Variants in ANKRD36B observed in about 807,000 individuals in gnomAD.
ANKRD36B encodes the protein ankyrin repeat domain-containing protein 36B.
In ANKRD36B, 37 loss-of-function variants were observed where a neutral mutation model predicts 135.7. The observed-to-expected ratio is 0.27, with a 90% confidence interval of 0.21 to 0.36. ANKRD36B has a LOEUF of 0.36. ANKRD36B is among the 10% of genes least tolerant of loss of function. The pLI is 1.00. For missense variants in ANKRD36B, 549 were observed against 1,037.1 expected (o/e 0.53, Z 6.46); for synonymous variants, 179 against 348.1 (o/e 0.51, Z 5.41).
chr2:97,573,377 T>G (rs947059470), intron 6 of ANKRD36B, among the ~76,000 whole-genome samples: 1 of 152,016 alleles, frequency 6.6e-6, no homozygotes, highest in Non-Finnish European at 1.5e-5. Context: ...CACTGCTCAA[T>G]GAAATAAAAG....
At chr2:97,539,219 C>G (rs2079032433) in intron 30 of ANKRD36B, among the ~76,000 whole-genome samples, 1 of 96,980 alleles carries the variant, frequency 1.0e-5, no homozygotes, top group South Asian at 2.3e-4. Context: ...CTAAAATAGT[C>G]TGGTTTGAAG....
At chr2:97,579,642 A>G (rs1360916550) in intron 4 of ANKRD36B, among the ~76,000 whole-genome samples, 1 of 40,526 alleles carries the variant, frequency 2.5e-5, no homozygotes, top group Non-Finnish European at 9.1e-5. Context: ...AATATATAAT[A>G]TATAGTATAT....
intron 24 of ANKRD36B, among the ~76,000 whole-genome samples, chr2:97,544,365 G>C (rs1434020767): frequency 1.0e-5 from 1 of 95,364 alleles, no homozygotes; most frequent in South Asian, 2.4e-4. Flanking sequence ...TTTCATGCAA[G>C]AAATCACAAG....
Position 97,560,743 on chromosome 2 carries a change from T to A in ANKRD36B, c.793-6A>T, listed in dbSNP as rs2080949066. 3.1e-6 allele frequency: 5 copies of A among 1,600,272 alleles called. No individual in the cohort carries two copies. The South Asian group carries it at 4.4e-5, about 14-fold the overall frequency. ...TCTTTGTCGTCACTTGTAGCCTGAA[T>A]GGGATTTGAAACAAAATAATCAATA... On this transcript the variant is annotated splice_polypyrimidine_tract_variant and splice_region_variant and intron_variant, in intron 7 of 43. Transcript: ENST00000359901.
At position 97,529,333 on chromosome 2, in the gene ANKRD36B, G is replaced by A. The variant is rs1320229012; in HGVS notation, c.2265+2978C>T. The stretch of plus-strand genomic sequence containing the variant: ...GATTATCTCAATAGATGCAGAAAAG[G>A]CCTTTGATAAAATTCAACAACCCTT... On this transcript the variant is annotated intron_variant, in intron 35 of 43. Transcript: ENST00000359901. 1.3e-4 allele frequency among the ~76,000 whole-genome samples: 12 copies of A among 95,444 alleles called. 1 individual carries two copies. The East Asian group carries it at 2.8e-3, about 22-fold the overall frequency. The allele number at this position is 95,444 out of a possible 152,430, so 62.6% of individuals were successfully genotyped here.
chr2:97,543,586 G>A lies in ANKRD36B; in HGVS notation c.1783+204C>T, dbSNP rs1182304305. On this transcript the variant is annotated intron_variant, in intron 26 of 43. Coordinates refer to ENST00000359901, the MANE Select transcript of ANKRD36B (RefSeq NM_001393939.1). Reference sequence around the variant, plus strand: ...TTTCTTCTTCCCAATTTCAATGTGGGGAAGTCTATATAATCTTACTGCAAA... The same window carrying A: ...TTTCTTCTTCCCAATTTCAATGTGGAGAAGTCTATATAATCTTACTGCAAA... 6.4e-4 allele frequency among the ~76,000 whole-genome samples: 60 copies of A among 94,456 alleles called. 21 individuals carry two copies. Among genetic ancestry groups the A allele is most frequent in the Non-Finnish European group, 1.3e-3 (46 of 35,542 alleles). The allele number at this position is 94,456 out of a possible 152,430, so 62.0% of individuals were successfully genotyped here.
intron 43 of ANKRD36B, among the ~76,000 whole-genome samples, chr2:97,496,831 GTGTATATATATATA>G (rs1559089071): frequency 1.5e-5 from 1 of 67,010 alleles, no homozygotes; most frequent in African/African-American, 8.2e-5. Flanking sequence ...ATATATGTGT[GTGTATATATATATA>G]TATATATATA....
intron 22 of ANKRD36B, among the ~76,000 whole-genome samples, chr2:97,546,428 C>T (rs1414097327): frequency 6.6e-6 from 1 of 151,680 alleles, no homozygotes; most frequent in East Asian, 1.9e-4. Context: ...AGATAACATT[C>T]ATTATCTCTC....
chr2:97,559,783 C>T (rs1323784878), intron 8 of ANKRD36B, among the ~76,000 whole-genome samples: 11 of 152,002 alleles, frequency 7.2e-5, no homozygotes, highest in African/African-American at 2.4e-4. Context: ...TTGAAAATCA[C>T]CACTTTAGGA....
At position 97,553,086 on chromosome 2, in the gene ANKRD36B, G is replaced by A. The variant is rs941295461; in HGVS notation, c.1273+82C>T. The A allele has an allele frequency of 2.1e-5, 32 of 1,512,438 alleles. No individual in the cohort carries two copies. The East Asian group carries it at 2.6e-4, about 12-fold the overall frequency. 93.7% of individuals were successfully genotyped at this position (1,512,438 alleles called of 1,614,324 possible). ...TGCAGCTTCAGCGAGCCCCCCACCC[G>A]CCCTGCGCTGATTTATTAGGGGTAG... On this transcript the variant is annotated intron_variant, in intron 16 of 43. Transcript: ENST00000359901.
At chr2:97,529,659 T>G (rs1559123572) in intron 35 of ANKRD36B, among the ~76,000 whole-genome samples, 1 of 95,664 alleles carries the variant, frequency 1.0e-5, no homozygotes, top group Non-Finnish European at 2.8e-5. Context: ...AAAACCCCAT[T>G]GTCTCAGCCC....
At chr2:97,563,924 C>T (rs1399811636) in intron 6 of ANKRD36B, among the ~76,000 whole-genome samples, 1 of 152,096 alleles carries the variant, frequency 6.6e-6, no homozygotes, top group Non-Finnish European at 1.5e-5. Context: ...ATGCTGCCAT[C>T]ATCACATGGC....
At chr2:97,547,857 A>G (rs1475447972) in intron 20 of ANKRD36B, 126 bp from the exon 21 acceptor site, 1 of 1,388,220 alleles carries the variant, frequency 7.2e-7, no homozygotes, top group East Asian at 2.5e-5. Flanking sequence ...GATGGCTTCT[A>G]CTTTGTGTCT....
At chr2:97,553,419 A>G (rs2080240710) in intron 14 of ANKRD36B, 48 bp from the exon 15 acceptor site, 2 of 1,573,756 alleles carry the variant, frequency 1.3e-6, no homozygotes, top group African/African-American at 1.4e-5. Context: ...AATATGATAC[A>G]TTTTCCATAC....
In ANKRD36B at chr2:97,532,857, T is replaced by A. The variant is rs1292040697; in HGVS notation, c.2192-473A>T. 2.1e-5 allele frequency among the ~76,000 whole-genome samples: 2 copies of A among 96,264 alleles called. 1 individual carries two copies. Among genetic ancestry groups the A allele is most frequent in the Non-Finnish European group, 5.5e-5 (2 of 36,310 alleles). 63.2% of individuals were successfully genotyped at this position (96,264 alleles called of 152,430 possible). A position where few individuals can be genotyped will look rare whatever the true frequency, so the allele number is the denominator to read the frequency against. On this transcript the variant is annotated intron_variant, in intron 34 of 43. Coordinates refer to ENST00000359901, the MANE Select transcript of ANKRD36B (RefSeq NM_001393939.1). ...TCCTCCAAAACTTCAGCAAACCACTTGGGGAGGCACTAGATGTCACCAGGT... is the reference window on the plus strand; with the variant it reads ...TCCTCCAAAACTTCAGCAAACCACTAGGGGAGGCACTAGATGTCACCAGGT...
intron 12 of ANKRD36B, among the ~76,000 whole-genome samples, chr2:97,556,282 T>C (rs1016123365): frequency 5.3e-5 from 8 of 151,862 alleles, no homozygotes; most frequent in Admixed American, 6.6e-5. Flanking sequence ...TAAACAGGAA[T>C]GAGGCACTGT....
At chr2:97,566,717 C>A (rs2104836927) in intron 6 of ANKRD36B, among the ~76,000 whole-genome samples, 1 of 152,144 alleles carries the variant, frequency 6.6e-6, no homozygotes, top group African/African-American at 2.4e-5. Context: ...GACAAATGAA[C>A]CAGGTGCAGC....
In ANKRD36B at chr2:97,524,396, T is replaced by G. The variant is rs545044813; in HGVS notation, c.2266-929A>C. On this transcript the variant is annotated intron_variant, in intron 35 of 43. Transcript: ENST00000359901. The stretch of plus-strand genomic sequence containing the variant: ...TCTTGCTTTTGTACTTTCAGTATCA[T>G]TATAAAAATTTTCCTTGTCTGAGTT... The G allele has an allele frequency of 4.2e-5, 4 of 96,302 alleles. 2 individuals carry two copies. Among genetic ancestry groups the G allele is most frequent in the Non-Finnish European group, 1.1e-4 (4 of 36,160 alleles). 6.0% of individuals were successfully genotyped at this position (96,302 alleles called of 1,614,324 possible).
At chr2:97,568,980 C>T (rs1416233581) in intron 6 of ANKRD36B, among the ~76,000 whole-genome samples, 1 of 152,114 alleles carries the variant, frequency 6.6e-6, no homozygotes, top group African/African-American at 2.4e-5. Flanking sequence ...CTATAGTATT[C>T]ACTAGCTGGT....
Sources: gnomAD v4.1 joint callset for allele counts (sites outside exome capture counted in the v4.1 genomes callset) on GRCh38, gnomAD v4.1.1 for gene constraint, MANE v1.5 for transcripts, NCBI Gene and HGNC (gene_info 2026-07-23, HGNC 2026-07-21) for gene names.